NDUFAF2: variants seen among roughly 807,000 people sequenced by gnomAD.
NDUFAF2 encodes NADH dehydrogenase [ubiquinone] 1 alpha subcomplex assembly factor 2.
In NDUFAF2, 13 loss-of-function variants were observed where a neutral mutation model predicts 22.8. The ratio of observed to expected loss-of-function variants is 0.57; its 90% confidence interval spans 0.37 to 0.91. The LOEUF (loss-of-function observed/expected upper bound fraction) is 0.91. NDUFAF2 is among the 40% of genes least tolerant of loss of function. The pLI, the probability that NDUFAF2 is intolerant of heterozygous loss-of-function variation, is 0.01. For synonymous variants in NDUFAF2, 53 were observed against 64.2 expected (o/e 0.83, Z 0.84); for missense variants, 162 against 195.2 (o/e 0.83, Z 1.01).
intron 3 of NDUFAF2, among the ~76,000 whole-genome samples, chr5:61,104,593 A>G (rs987416830): frequency 6.6e-6 from 1 of 152,096 alleles, no homozygotes; most frequent in Non-Finnish European, 1.5e-5. Context: ...ACATCATAGT[A>G]TCTTGTTTAC....
intron 3 of NDUFAF2, among the ~76,000 whole-genome samples, chr5:61,149,253 G>A (rs1741192493): frequency 6.6e-6 from 1 of 152,122 alleles, no homozygotes; most frequent in Admixed American, 6.5e-5. Flanking sequence ...TTACAGTCGT[G>A]AGCCACCACA....
At chr5:61,118,536 G>T (rs1246097994) in intron 3 of NDUFAF2, among the ~76,000 whole-genome samples, 2 of 152,124 alleles carry the variant, frequency 1.3e-5, no homozygotes, top group African/African-American at 4.8e-5. Flanking sequence ...AGATTTGGCT[G>T]GTTGAGTTTG....
chr5:61,098,910 A>T, intron 2 of NDUFAF2, 82 bp from the exon 3 acceptor site: 1 of 991,492 alleles, frequency 1.0e-6, no homozygotes, highest in Non-Finnish European at 1.6e-6. Flanking sequence ...TGGAGTAGGT[A>T]CTCAAAAAAA....
At chr5:60,990,842 A>G (rs944761888) in intron 1 of NDUFAF2, among the ~76,000 whole-genome samples, 2 of 152,158 alleles carry the variant, frequency 1.3e-5, no homozygotes, top group African/African-American at 4.8e-5. Context: ...TTAAGACGCT[A>G]TTATTTCCTC....
intron 1 of NDUFAF2, among the ~76,000 whole-genome samples, chr5:61,009,068 GT>G (rs1751409646): frequency 6.6e-6 from 1 of 151,716 alleles, no homozygotes. Context: ...ATCTATTATT[GT>G]TATCTTCATA....
chr5:60,949,789 A>G (rs972671169), intron 1 of NDUFAF2, among the ~76,000 whole-genome samples: 4 of 152,214 alleles, frequency 2.6e-5, no homozygotes, highest in Admixed American at 1.3e-4. Flanking sequence ...TTCAGCATAG[A>G]GATCATGATA....
At chr5:60,957,834 C>A (rs1215508017) in intron 1 of NDUFAF2, among the ~76,000 whole-genome samples, 1 of 152,096 alleles carries the variant, frequency 6.6e-6, no homozygotes, top group Middle Eastern at 3.2e-3. Flanking sequence ...GGGACACTGA[C>A]CATGTGTTAT....
intron 3 of NDUFAF2, among the ~76,000 whole-genome samples, chr5:61,151,947 C>T (rs1741246955): frequency 6.6e-6 from 1 of 152,108 alleles, no homozygotes; most frequent in Non-Finnish European, 1.5e-5. Context: ...GTGGAATTTG[C>T]CTTTCTTAAT....
intron 1 of NDUFAF2, among the ~76,000 whole-genome samples, chr5:60,971,127 C>T (rs1424290903): frequency 1.4e-5 from 2 of 138,890 alleles, no homozygotes; most frequent in Non-Finnish European, 3.1e-5. Flanking sequence ...TGAATCACAA[C>T]CTCTATTTCT....
intron 1 of NDUFAF2, among the ~76,000 whole-genome samples, chr5:61,051,450 A>C (rs780477978): frequency 3.3e-5 from 5 of 152,182 alleles, no homozygotes; most frequent in Non-Finnish European, 7.3e-5. Flanking sequence ...TGTATATAGC[A>C]TACATCTTGG....
chr5:61,067,116 G>GTGAGA (rs1272254135), intron 1 of NDUFAF2, among the ~76,000 whole-genome samples: 1 of 152,074 alleles, frequency 6.6e-6, no homozygotes, highest in African/African-American at 2.4e-5. Context: ...AGGGATAACT[G>GTGAGA]TGAGATGATG....
intron 1 of NDUFAF2, among the ~76,000 whole-genome samples, chr5:61,065,526 A>C (rs758437817): frequency 6.6e-6 from 1 of 152,238 alleles, no homozygotes; most frequent in South Asian, 2.1e-4. Flanking sequence ...TATTGCTGGC[A>C]TGCAAGACTG....
chr5:61,112,209 A>AT (rs1315902795), intron 3 of NDUFAF2, among the ~76,000 whole-genome samples: 8 of 133,702 alleles, frequency 6.0e-5, no homozygotes, highest in African/African-American at 2.2e-4. Flanking sequence ...GACCTTCTTT[A>AT]TCCCCCCCCC....
In NDUFAF2 at chr5:61,058,281, ATC is replaced by A. The variant is rs552824801; in HGVS notation, c.128-14838_128-14837del. Among the ~76,000 whole-genome samples, 50 of 152,120 alleles carry A rather than the reference ATC, an allele frequency of 3.3e-4. 1 individual carries two copies. The South Asian group carries it at 7.0e-3, about 21-fold the overall frequency. ...CCATCATTTTTAATTATTTCCTTCC[ATC>A]TCTCTTTTTACCTATATATTGAAAG... On this transcript the variant is annotated intron_variant, in intron 1 of 3. Transcript: ENST00000296597.
intron 1 of NDUFAF2, among the ~76,000 whole-genome samples, chr5:60,998,397 T>G (rs1751255063): frequency 6.6e-6 from 1 of 152,156 alleles, no homozygotes; most frequent in African/African-American, 2.4e-5. Context: ...AACAAGAAAT[T>G]AATGCTATTT....
intron 2 of NDUFAF2, among the ~76,000 whole-genome samples, chr5:61,084,026 A>AC (rs1345566370): frequency 6.6e-6 from 1 of 151,686 alleles, no homozygotes; most frequent in African/African-American, 2.4e-5. Context: ...GTAAAAGTGA[A>AC]CAACTTTGCC....
intron 1 of NDUFAF2, among the ~76,000 whole-genome samples, chr5:60,992,975 G>A (rs1172681191): frequency 6.6e-6 from 1 of 152,176 alleles, no homozygotes; most frequent in Non-Finnish European, 1.5e-5. Flanking sequence ...AGTTTTTCTT[G>A]GGACTGTTGG....
At chr5:60,970,038 G>A (rs1253089315) in intron 1 of NDUFAF2, among the ~76,000 whole-genome samples, 2 of 152,082 alleles carry the variant, frequency 1.3e-5, no homozygotes, top group Admixed American at 1.3e-4. Flanking sequence ...CACTGTAGGT[G>A]TATGGATTTA....
At position 60,983,144 on chromosome 5, in the gene NDUFAF2, T is replaced by C. The variant is rs1225556366; in HGVS notation, c.127+37762T>C. On this transcript the variant is annotated intron_variant, in intron 1 of 3. Transcript: ENST00000296597. ...GTGGTTTTGATTTGCATTTCTCTGA[T>C]GGCCAGTGATGATGAGCATTTTTTC... 2.0e-5 allele frequency among the ~76,000 whole-genome samples: 3 copies of C among 151,304 alleles called. No homozygotes were observed. The Admixed American group carries it at 2.0e-4, about 10-fold the overall frequency.
Sources: allele counts gnomAD v4.1 joint callset (sites outside exome capture counted in the v4.1 genomes callset), GRCh38; gene constraint gnomAD v4.1.1; transcripts MANE v1.5; gene names NCBI Gene and HGNC (gene_info 2026-07-23, HGNC 2026-07-21).